NXPH1: variants seen among roughly 807,000 people sequenced by gnomAD.
NXPH1 encodes the protein neurexophilin 1, also known as neurexophilin-1.
In NXPH1, 5 loss-of-function variants were observed where a neutral mutation model predicts 23.7. The ratio of observed to expected loss-of-function variants is 0.21; its 90% CI spans 0.11 to 0.44. The LOEUF is 0.44. Among genes scored for constraint, NXPH1 ranks in the 20% least tolerant of loss-of-function variants. The pLI, the probability that NXPH1 is intolerant of heterozygous loss-of-function variation, is 0.99. For missense variants in NXPH1, 324 were observed against 321.6 expected, an observed-to-expected ratio of 1.01 and a Z score of -0.06; for synonymous variants, 144 against 122.2, an observed-to-expected ratio of 1.18 and a Z score of -1.18.
chr7:8,439,157 T>C (rs1352227704), intron 2 of NXPH1, among the ~76,000 whole-genome samples: 1 of 152,232 alleles, frequency 6.6e-6, no homozygotes, highest in Non-Finnish European at 1.5e-5. Flanking sequence ...ATTCTCTTAT[T>C]ATTCCTGGAC....
At chr7:8,717,385 C>T (rs2115203177) in intron 2 of NXPH1, among the ~76,000 whole-genome samples, 1 of 152,172 alleles carries the variant, frequency 6.6e-6, no homozygotes, top group South Asian at 2.1e-4. Flanking sequence ...GAAAAAACTC[C>T]AACAAATTGA....
intron 2 of NXPH1, among the ~76,000 whole-genome samples, chr7:8,739,651 A>C (rs1013394433): frequency 1.3e-5 from 2 of 151,966 alleles, no homozygotes; most frequent in Non-Finnish European, 2.9e-5. Flanking sequence ...ACCTTAGCAT[A>C]CTGTACCTTT....
intron 2 of NXPH1, among the ~76,000 whole-genome samples, chr7:8,617,354 C>T (rs139300074): frequency 6.6e-6 from 1 of 152,156 alleles, no homozygotes; most frequent in African/African-American, 2.4e-5. Context: ...TATTTGCACT[C>T]CTATGTTTGT....
At chr7:8,654,413 T>C (rs922595690) in intron 2 of NXPH1, among the ~76,000 whole-genome samples, 2 of 152,202 alleles carry the variant, frequency 1.3e-5, no homozygotes, top group African/African-American at 4.8e-5. Context: ...AATATGATTA[T>C]CTTATTCTTA....
intron 2 of NXPH1, among the ~76,000 whole-genome samples, chr7:8,581,098 A>G (rs932052303): frequency 1.3e-5 from 2 of 152,166 alleles, no homozygotes; most frequent in African/African-American, 4.8e-5. Flanking sequence ...TTGGTCTACA[A>G]TCCTAGAATT....
chr7:8,704,815 G>A (rs1164786798), intron 2 of NXPH1, among the ~76,000 whole-genome samples: 1 of 151,972 alleles, frequency 6.6e-6, no homozygotes, highest in Non-Finnish European at 1.5e-5. Flanking sequence ...CCACAGTGAA[G>A]GGTCCTGGCC....
At chr7:8,494,039 T>C (rs1320330898) in intron 2 of NXPH1, among the ~76,000 whole-genome samples, 1 of 152,030 alleles carries the variant, frequency 6.6e-6, no homozygotes, top group Non-Finnish European at 1.5e-5. Flanking sequence ...AGTTCTTTCT[T>C]ATGTATAGTA....
chr7:8,516,136 G>A (rs1169163598), intron 2 of NXPH1, among the ~76,000 whole-genome samples: 2 of 152,176 alleles, frequency 1.3e-5, no homozygotes, highest in African/African-American at 4.8e-5. Flanking sequence ...AATATCACCA[G>A]TTATCAAGAC....
chr7:8,666,807 G>A (rs1289683436), intron 2 of NXPH1, among the ~76,000 whole-genome samples: 1 of 151,880 alleles, frequency 6.6e-6, no homozygotes, highest in African/African-American at 2.4e-5. Flanking sequence ...TATCCAATTT[G>A]TTGGCATATG....
chr7:8,628,021 T>A (rs1230028769), intron 2 of NXPH1, among the ~76,000 whole-genome samples: 1 of 152,128 alleles, frequency 6.6e-6, no homozygotes, highest in African/African-American at 2.4e-5. Flanking sequence ...TGGGTACGTA[T>A]GAGAATAATT....
intron 2 of NXPH1, among the ~76,000 whole-genome samples, chr7:8,531,559 CACTT>C (rs962497575): frequency 2.0e-5 from 3 of 152,164 alleles, no homozygotes; most frequent in Non-Finnish European, 2.9e-5. Context: ...TCCATCTCAG[CACTT>C]ACTTACTAAC....
At chr7:8,666,075 T>C (rs1234119669) in intron 2 of NXPH1, among the ~76,000 whole-genome samples, 1 of 151,836 alleles carries the variant, frequency 6.6e-6, no homozygotes, top group Non-Finnish European at 1.5e-5. Flanking sequence ...CTAGGACTTC[T>C]AGTACTACAC....
chr7:8,527,865 G>A (rs1817889943), intron 2 of NXPH1, among the ~76,000 whole-genome samples: 1 of 152,198 alleles, frequency 6.6e-6, no homozygotes, highest in African/African-American at 2.4e-5. Flanking sequence ...GGGAAAAGAA[G>A]GAACATGGGA....
At chr7:8,585,882 A>G (rs1407921029) in intron 2 of NXPH1, among the ~76,000 whole-genome samples, 3 of 152,158 alleles carry the variant, frequency 2.0e-5, no homozygotes, top group Non-Finnish European at 4.4e-5. Context: ...GAGCTTTGGA[A>G]AGAAGTACTT....
At chr7:8,731,653 G>A (rs1056327482) in intron 2 of NXPH1, among the ~76,000 whole-genome samples, 3 of 152,302 alleles carry the variant, frequency 2.0e-5, no homozygotes, top group South Asian at 2.1e-4. Context: ...TAGGCTGCTC[G>A]GGGGTCAGGG....
At chr7:8,606,457 A>G (rs906238227) in intron 2 of NXPH1, among the ~76,000 whole-genome samples, 17 of 152,048 alleles carry the variant, frequency 1.1e-4, no homozygotes, top group African/African-American at 4.1e-4. Context: ...GGGATTTACC[A>G]CTCAATATTA....
At chr7:8,682,004 A>C (rs1821057921) in intron 2 of NXPH1, among the ~76,000 whole-genome samples, 1 of 152,188 alleles carries the variant, frequency 6.6e-6, no homozygotes, top group South Asian at 2.1e-4. Flanking sequence ...GAGGCAAGGG[A>C]GGAGAAAAAC....
chr7:8,581,588 C>T (rs958131342), intron 2 of NXPH1, among the ~76,000 whole-genome samples: 2 of 152,146 alleles, frequency 1.3e-5, no homozygotes, highest in African/African-American at 4.8e-5. Context: ...GATTACAGTT[C>T]GACGTGAGAT....
chr7:8,699,432 CTCA>C (rs76757764), intron 2 of NXPH1, among the ~76,000 whole-genome samples: 51,206 of 151,738 alleles, frequency 0.34, 8,736 homozygotes, highest in East Asian at 0.44. Context: ...AATGTTTTAT[CTCA>C]TCAAGTACCA....
Sources: gnomAD v4.1 joint callset for allele counts (sites outside exome capture counted in the v4.1 genomes callset) on GRCh38, gnomAD v4.1.1 for gene constraint, MANE v1.5 for transcripts, NCBI Gene and HGNC (gene_info 2026-07-23, HGNC 2026-07-21) for gene names.